TCF12: variants seen among roughly 807,000 people sequenced by gnomAD.
The protein encoded by TCF12 is transcription factor 12, also known as DNA-binding protein HTF4.
In TCF12, 45 loss-of-function variants were observed where a neutral mutation model predicts 86.0. That is an observed-to-expected ratio of 0.52 (90% CI 0.41 to 0.67). The LOEUF (loss-of-function observed/expected upper bound fraction) is 0.67. TCF12 is among the 30% of genes least tolerant of loss of function. TCF12 has a pLI of 0.00. For missense variants in TCF12, 881 were observed against 859.9 expected, an observed-to-expected ratio of 1.02 and a Z score of -0.31; for synonymous variants, 330 against 299.6, an observed-to-expected ratio of 1.10 and a Z score of -1.05.
intron 3 of TCF12, among the ~76,000 whole-genome samples, chr15:57,009,879 G>T (rs1214583147): frequency 6.6e-6 from 1 of 152,104 alleles, no homozygotes; most frequent in African/African-American, 2.4e-5. Flanking sequence ...ATAAAGCTCT[G>T]TGTGACTCTA....
intron 8 of TCF12, chr15:57,219,320 A>C: frequency 8.2e-7 from 1 of 1,226,052 alleles, no homozygotes; most frequent in South Asian, 4.0e-5. Flanking sequence ...ACTTGATGGA[A>C]ATTGAAAGAG....
At chr15:57,086,005 T>C (rs888713184) in intron 4 of TCF12, among the ~76,000 whole-genome samples, 2 of 152,092 alleles carry the variant, frequency 1.3e-5, no homozygotes, top group Admixed American at 6.6e-5. Flanking sequence ...GAGAAACTGA[T>C]TGGACATTTA....
At chr15:57,074,206 C>G (rs2951903) in intron 4 of TCF12, among the ~76,000 whole-genome samples, 3 of 151,792 alleles carry the variant, frequency 2.0e-5, no homozygotes, top group Non-Finnish European at 4.4e-5. Flanking sequence ...AGTTAATTCC[C>G]GAGCCTCAGA....
At chr15:57,099,406 A>T (rs2733195) in intron 5 of TCF12, among the ~76,000 whole-genome samples, 9,967 of 152,246 alleles carry the variant, frequency 0.065, 833 homozygotes, top group African/African-American at 0.19. Context: ...TTGAAAGAGT[A>T]ACCAGGATTT....
chr15:57,192,953 G>A (rs1385972388), intron 7 of TCF12, among the ~76,000 whole-genome samples: 1 of 152,162 alleles, frequency 6.6e-6, no homozygotes, highest in African/African-American at 2.4e-5. Context: ...GAGCAACTAA[G>A]TAGTGAAAAA....
At chr15:57,085,631 G>A (rs1302362113) in intron 4 of TCF12, among the ~76,000 whole-genome samples, 5 of 152,152 alleles carry the variant, frequency 3.3e-5, no homozygotes, top group African/African-American at 7.2e-5. Context: ...AAAGTATAGC[G>A]TTATTTATCT....
At chr15:57,182,380 AT>A (rs1555530027) in intron 6 of TCF12, among the ~76,000 whole-genome samples, 1 of 151,956 alleles carries the variant, frequency 6.6e-6, no homozygotes, top group African/African-American at 2.4e-5. Flanking sequence ...TTTTAATTGT[AT>A]TTTTTTCATT....
intron 6 of TCF12, among the ~76,000 whole-genome samples, chr15:57,182,089 C>T (rs1004971441): frequency 6.6e-6 from 1 of 152,102 alleles, no homozygotes; most frequent in Non-Finnish European, 1.5e-5. Context: ...ACTGCTTTGC[C>T]TAGTTCTATA....
chr15:57,138,678 A>C (rs550290014), intron 5 of TCF12, among the ~76,000 whole-genome samples: 73 of 152,334 alleles, frequency 4.8e-4, no homozygotes, highest in African/African-American at 1.7e-3. Flanking sequence ...GTTCATTTGG[A>C]GACAGTTAAA....
chr15:56,984,572 A>G (rs2063088682), intron 3 of TCF12, among the ~76,000 whole-genome samples: 1 of 152,126 alleles, frequency 6.6e-6, no homozygotes, highest in South Asian at 2.1e-4. Flanking sequence ...AAAAAATTCA[A>G]ACGGTCATAG....
intron 3 of TCF12, among the ~76,000 whole-genome samples, chr15:56,946,623 G>T (rs1318965672): frequency 6.6e-6 from 1 of 152,024 alleles, no homozygotes; most frequent in Non-Finnish European, 1.5e-5. Flanking sequence ...ATGCCTTGTA[G>T]ATTTTGATTT....
At chr15:57,146,555 G>A (rs941803123) in intron 5 of TCF12, among the ~76,000 whole-genome samples, 3 of 152,068 alleles carry the variant, frequency 2.0e-5, no homozygotes, top group South Asian at 2.1e-4. Context: ...AATGAATACC[G>A]GATTTAGTCA....
At chr15:56,996,580 G>T (rs2063727576) in intron 3 of TCF12, among the ~76,000 whole-genome samples, 1 of 152,096 alleles carries the variant, frequency 6.6e-6, no homozygotes, top group Non-Finnish European at 1.5e-5. Flanking sequence ...ATTAGCCTTG[G>T]CAAGGAATTT....
rs369389225 is a variant in TCF12, at chr15:57,095,730, T to G, written c.325+3839T>G. Among the ~76,000 whole-genome samples the G allele has an allele frequency of 8.5e-5, 13 of 152,062 alleles. No individual in the cohort carries two copies. In the South Asian group the frequency reaches 2.5e-3, roughly 29 times the overall value. On this transcript the variant is annotated intron_variant, in intron 5 of 20. Coordinates refer to ENST00000333725, the MANE Select transcript of TCF12 (RefSeq NM_207037.2). ...CAGGGGGAAATTGCAGGGCTGAGAG[T>G]TAGGAGGTGTGGATTTTAATCCAGA...
intron 19 of TCF12, among the ~76,000 whole-genome samples, chr15:57,280,885 TAA>T (rs2061654761): frequency 6.6e-6 from 1 of 152,250 alleles, no homozygotes; most frequent in South Asian, 2.1e-4. Flanking sequence ...AGGGCATTTT[TAA>T]TCCATTTATA....
intron 5 of TCF12, among the ~76,000 whole-genome samples, chr15:57,125,625 A>G (rs1408094931): frequency 2.0e-5 from 3 of 152,248 alleles, no homozygotes; most frequent in Middle Eastern, 3.2e-3. Context: ...TGTGACACAT[A>G]GCTAATTTCT....
At chr15:57,225,387 C>G (rs2058828498) in intron 8 of TCF12, among the ~76,000 whole-genome samples, 1 of 151,582 alleles carries the variant, frequency 6.6e-6, no homozygotes, top group Admixed American at 6.6e-5. Flanking sequence ...CTACAGGCGC[C>G]CGCCACCATG....
intron 4 of TCF12, among the ~76,000 whole-genome samples, chr15:57,064,812 A>AAAG (rs554263213): frequency 0.027 from 3,285 of 123,148 alleles, 120 homozygotes; most frequent in Non-Finnish European, 0.041. Flanking sequence ...AAAAAAAAAA[A>AAAG]AGAGAGAGAG....
At chr15:57,162,112 A>G (rs1323907132) in intron 5 of TCF12, among the ~76,000 whole-genome samples, 1 of 152,152 alleles carries the variant, frequency 6.6e-6, no homozygotes, top group Non-Finnish European at 1.5e-5. Context: ...ATTCTTTGTA[A>G]TAATTTTTTC....
Sources: gnomAD v4.1 joint callset for allele counts (sites outside exome capture counted in the v4.1 genomes callset) on GRCh38, gnomAD v4.1.1 for gene constraint, MANE v1.5 for transcripts, NCBI Gene and HGNC (gene_info 2026-07-23, HGNC 2026-07-21) for gene names.